The following MEI1 variants were observed in gnomAD, a reference collection of about 807,000 sequenced individuals.
MEI1 encodes meiotic double-stranded break formation protein 1.
Under a neutral mutation model 146.2 loss-of-function variants are expected in MEI1, and 103 were observed. The observed-to-expected ratio is 0.70, with a 90% CI of 0.60 to 0.83. The LOEUF (loss-of-function observed/expected upper bound fraction) is 0.83, where lower values mean the gene tolerates loss of function less well. Among genes scored for constraint, MEI1 ranks in the 40% least tolerant of loss-of-function variants. The pLI is 0.00. For synonymous variants in MEI1, 652 were observed against 628.2 expected, an observed-to-expected ratio of 1.04 and a Z score of -0.57; for missense variants, 1,529 against 1,533.0, an observed-to-expected ratio of 1.00 and a Z score of 0.04.
intron 3 of MEI1, among the ~76,000 whole-genome samples, chr22:41,711,514 A>C (rs2069567546): frequency 6.6e-6 from 1 of 152,322 alleles, no homozygotes; most frequent in South Asian, 2.1e-4. Flanking sequence ...TGGTATCAGC[A>C]TGGCTTGCAG....
Position 41,754,025 on chromosome 22 carries a change from A to G in MEI1, c.1930A>G (p.Thr644Ala), listed in dbSNP as rs753400048. ...CAACCTTCTCTCAGCTCCAGAGAAG[A>G]CAGGACCACCTTCCAAAGAAGGTAA... ...CLNLLSAPEK[T>A]GPPSKEELSA... is the part of the protein sequence containing the mutation. The change falls in exon 17 of 31, where the codon ACA becomes GCA. Residue 644 changes from threonine (T) to alanine (A), a missense_variant. Thr to Ala is a moderately conservative substitution (Grantham distance 58). This residue lies in a region of MEI1 where 1,212 missense variants were observed against 1,178.9 expected (regional missense o/e 1.03). Coordinates refer to ENST00000401548, the MANE Select transcript of MEI1 (RefSeq NM_152513.4). 2 of 1,612,538 alleles carry G rather than the reference A, an allele frequency of 1.2e-6. No homozygotes were observed. Among genetic ancestry groups the G allele is most frequent in the East Asian group, 2.2e-5 (1 of 44,874 alleles).
At chr22:41,756,766 G>T (rs2074116663) in intron 17 of MEI1, among the ~76,000 whole-genome samples, 1 of 152,184 alleles carries the variant, frequency 6.6e-6, no homozygotes, top group Non-Finnish European at 1.5e-5. Flanking sequence ...GAGCCACCAC[G>T]CCTATCCTTC....
Position 41,718,082 on chromosome 22 carries a change from G to A in MEI1, c.541G>A (p.Glu181Lys), listed in dbSNP as rs2070380325. The A allele has an allele frequency of 6.3e-7, 1 of 1,599,576 alleles. No homozygotes were observed. The highest frequency in any genetic ancestry group is 8.5e-7 in the Non-Finnish European group (1 of 1,170,940). ...ELVMEHGNLM[E>K]HLLRGLVYPS... ...TGTTTTCTGGACAGGCAACCTGATG[G>A]AGCATCTGTTGAGAGGCTTAGTATA... Residue 181 changes from glutamate to lysine, a missense_variant, in exon 6 of 31, where the codon GAG becomes AAG. By Grantham distance (56) the Glu-to-Lys change is moderately conservative (BLOSUM62 1). This residue lies in a region of MEI1 where 1,212 missense variants were observed against 1,178.9 expected (regional missense o/e 1.03). Coordinates refer to ENST00000401548, the MANE Select transcript of MEI1 (RefSeq NM_152513.4).
At position 41,770,716 on chromosome 22, in the gene MEI1, G is replaced by C; in HGVS notation, c.2299G>C (p.Glu767Gln). Residue 767 changes from glutamate (E) to glutamine (Q), a missense_variant, in exon 20 of 31, where the codon GAA becomes CAA. Glu to Gln is a conservative substitution (Grantham distance 29). This residue lies in a region of MEI1 where 1,212 missense variants were observed against 1,178.9 expected (regional missense o/e 1.03). Transcript: ENST00000401548. ...TMVSAIRKFL[E>Q]GIPDLQLVYT... ...GGTCAGTGCAATCAGAAAATTCCTA[G>C]AAGGCATCCCAGACCTGCAGCTAGT... 3.1e-6 allele frequency: 5 copies of C among 1,613,832 alleles called. No individual in the cohort carries two copies. Among genetic ancestry groups the C allele is most frequent in the Non-Finnish European group, 4.2e-6 (5 of 1,179,854 alleles).
At chr22:41,702,030 C>A (rs1465507688) in intron 1 of MEI1, among the ~76,000 whole-genome samples, 1 of 152,150 alleles carries the variant, frequency 6.6e-6, no homozygotes, top group Non-Finnish European at 1.5e-5. Context: ...TTGAGTAGCT[C>A]ATATAGATCA....
At chr22:41,740,307 C>T (rs1030870369) in intron 11 of MEI1, among the ~76,000 whole-genome samples, 11 of 152,012 alleles carry the variant, frequency 7.2e-5, no homozygotes, top group African/African-American at 2.4e-4. Context: ...CGTGATCCAC[C>T]GCGCCCGGCC....
chr22:41,711,634 G>A (rs1280911177), intron 3 of MEI1, among the ~76,000 whole-genome samples: 1 of 152,174 alleles, frequency 6.6e-6, no homozygotes, highest in East Asian at 1.9e-4. Flanking sequence ...CTTTCTTCCT[G>A]CTTCTTGTTT....
At position 41,746,206 on chromosome 22, in the gene MEI1, A is replaced by G. The variant is rs2073276916; in HGVS notation, c.1680+180A>G. The G allele has an allele frequency of 6.0e-6, 3 of 501,750 alleles. No individual in the cohort carries two copies. In the South Asian group the frequency reaches 1.9e-4, roughly 33 times the overall value. The allele number at this position is 501,750 out of a possible 1,614,324, so 31.1% of individuals were successfully genotyped here. On this transcript the variant is annotated intron_variant, in intron 14 of 30. Coordinates refer to ENST00000401548, the MANE Select transcript of MEI1 (RefSeq NM_152513.4). ...AAATAAAATGTAGTGTTTGATTATG[A>G]AACTAACAGGTTCATCTTAAGAAAA...
intron 15 of MEI1, chr22:41,752,389 T>C (rs2073817713): frequency 1.0e-5 from 6 of 582,064 alleles, no homozygotes; most frequent in South Asian, 8.4e-5. Flanking sequence ...TACAACACCC[T>C]GTGAGGTACA....
chr22:41,748,181 C>G lies in MEI1; in HGVS notation c.1755C>G (p.Ile585Met). 6.2e-7 allele frequency: 1 copy of G among 1,613,940 alleles called. No homozygotes were observed. The highest frequency in any genetic ancestry group is 2.2e-5 in the East Asian group (1 of 44,876). ...FLSILHNLFV[I>M]VPHMKEKFSK... ...CAATTCTACATAACCTCTTTGTCAT[C>G]GTTCCCCACATGAAGGAGAAGTTTT... The change falls in exon 15 of 31, where the codon ATC (isoleucine) becomes ATG (methionine). Residue 585 changes from isoleucine to methionine, a missense_variant. Transcript: ENST00000401548.
At chr22:41,757,163 C>T (rs2074148308) in intron 17 of MEI1, among the ~76,000 whole-genome samples, 1 of 152,230 alleles carries the variant, frequency 6.6e-6, no homozygotes, top group Non-Finnish European at 1.5e-5. Flanking sequence ...GACATGATCT[C>T]GGCTCACTGC....
chr22:41,769,271 A>G (rs947007676), intron 19 of MEI1, among the ~76,000 whole-genome samples: 1 of 152,178 alleles, frequency 6.6e-6, no homozygotes, highest in African/African-American at 2.4e-5. Context: ...CCATACATTT[A>G]TGGTCAATTT....
intron 22 of MEI1, among the ~76,000 whole-genome samples, chr22:41,780,960 G>A (rs574672919): frequency 5.3e-5 from 8 of 152,306 alleles, no homozygotes; most frequent in South Asian, 4.1e-4. Context: ...GATGTGGCAA[G>A]TGCAGGGAAC....
At chr22:41,726,805 G>A (rs1196087406) in intron 7 of MEI1, among the ~76,000 whole-genome samples, 2 of 149,870 alleles carry the variant, frequency 1.3e-5, no homozygotes, top group Non-Finnish European at 3.0e-5. Context: ...ATGGAGTCTC[G>A]CTCTGTCGCC....
At chr22:41,785,242 T>G (rs1304877660) in intron 26 of MEI1, among the ~76,000 whole-genome samples, 3 of 84,914 alleles carry the variant, frequency 3.5e-5, no homozygotes, top group African/African-American at 5.3e-5. Context: ...GCATTTTTAT[T>G]TTATTTATTT....
chr22:41,729,598 C>T (rs1451773702), intron 7 of MEI1, 67 bp from the exon 8 acceptor site: 1 of 995,610 alleles, frequency 1.0e-6, no homozygotes, highest in Admixed American at 2.0e-5. Flanking sequence ...CCCTGAGGCA[C>T]CTAGGCCAGT....
intron 19 of MEI1, among the ~76,000 whole-genome samples, chr22:41,767,201 G>T (rs2074912430): frequency 6.6e-6 from 1 of 152,168 alleles, no homozygotes; most frequent in Non-Finnish European, 1.5e-5. Flanking sequence ...TCTTTATGTG[G>T]TATCTTTATG....
chr22:41,719,353 A>G (rs896741511), intron 6 of MEI1, among the ~76,000 whole-genome samples: 4 of 151,984 alleles, frequency 2.6e-5, no homozygotes, highest in African/African-American at 9.7e-5. Flanking sequence ...CATCCGGCCA[A>G]GTTTTATATT....
At position 41,724,022 on chromosome 22, in the gene MEI1, G is replaced by C; in HGVS notation, c.813G>C (p.Lys271Asn). ...MNQDGLGESA[K>N]NIEGSSGNTS... ...AGGATGGACTGGGAGAAAGTGCTAA[G>C]AATATCGAAGGGTCATCAGGAAATA... The change falls in exon 7 of 31, where the codon AAG becomes AAC. Residue 271 changes from lysine to asparagine, a missense_variant. Transcript: ENST00000401548. The C allele has an allele frequency of 6.2e-7, 1 of 1,613,820 alleles. No homozygotes were observed. The highest frequency in any genetic ancestry group is 8.5e-7 in the Non-Finnish European group (1 of 1,179,830).
Sources: allele counts gnomAD v4.1 joint callset (sites outside exome capture counted in the v4.1 genomes callset), GRCh38; gene constraint gnomAD v4.1.1; regional missense constraint gnomAD v4.1.1; transcripts MANE v1.5; gene names NCBI Gene and HGNC (gene_info 2026-07-23, HGNC 2026-07-21).